The following ADIPOR2 variants were observed in gnomAD, a reference collection of about 807,000 sequenced individuals.
ADIPOR2 encodes adiponectin receptor 2.
A neutral mutation model predicts 40.9 loss-of-function variants in ADIPOR2; 18 were observed. That is an observed-to-expected ratio of 0.44 (90% CI 0.30 to 0.65). The LOEUF is 0.65. Ranked by LOEUF, ADIPOR2 falls within the 30% of genes least tolerant of loss-of-function variation. The probability of loss-of-function intolerance (pLI) is 0.09; values close to 1 mark genes in which losing one functional copy is unlikely to be tolerated. For missense variants in ADIPOR2, 283 were observed against 479.2 expected (o/e 0.59, Z 3.82); for synonymous variants, 165 against 166.4 (o/e 0.99, Z 0.06).
chr12:1,693,771 T>C (rs1039940495), intron 1 of ADIPOR2, among the ~76,000 whole-genome samples: 2 of 152,142 alleles, frequency 1.3e-5, no homozygotes, highest in African/African-American at 4.8e-5. Context: ...ACTCCTCATG[T>C]GATCCACCTG....
chr12:1,727,041 A>C (rs536857977), intron 1 of ADIPOR2, among the ~76,000 whole-genome samples: 2 of 152,320 alleles, frequency 1.3e-5, no homozygotes, highest in Non-Finnish European at 2.9e-5. Flanking sequence ...TAATTTCTGA[A>C]CAGAACTGAC....
At chr12:1,758,678 T>C (rs1862201889) in intron 2 of ADIPOR2, among the ~76,000 whole-genome samples, 1 of 152,194 alleles carries the variant, frequency 6.6e-6, no homozygotes, top group African/African-American at 2.4e-5. Flanking sequence ...AGGCAAAATA[T>C]TGATATCTTC....
At position 1,786,100 on chromosome 12, in the gene ADIPOR2, C is replaced by T; in HGVS notation, c.*28C>T. ...CCTACCAGTCTCCAGGGACTATGAC[C>T]CTAAACCAGGGCCTGCGGCACTTGC... On this transcript the variant is annotated 3_prime_UTR_variant, in exon 8 of 8. Transcript: ENST00000357103. 6.2e-7 allele frequency: 1 copy of T among 1,606,038 alleles called. No individual in the cohort carries two copies. The highest frequency in any genetic ancestry group is 1.1e-5 in the South Asian group (1 of 89,980).
At chr12:1,705,994 A>G (rs771526604) in intron 1 of ADIPOR2, among the ~76,000 whole-genome samples, 3 of 152,174 alleles carry the variant, frequency 2.0e-5, no homozygotes, top group Admixed American at 6.5e-5. Context: ...ATTGTTGGAG[A>G]TGATAGGTGA....
rs149813936 is a variant in ADIPOR2, at chr12:1,733,032, C to G, written c.-86-21226C>G. On this transcript the variant is annotated intron_variant, in intron 1 of 7. Coordinates refer to ENST00000357103, the MANE Select transcript of ADIPOR2 (RefSeq NM_024551.3). Reference sequence around the variant, plus strand: ...TGCAGTAAAGTTTCACAATGGGAAACCTTGTTAGATTTACAGTGGAGGTTT... The same window carrying G: ...TGCAGTAAAGTTTCACAATGGGAAAGCTTGTTAGATTTACAGTGGAGGTTT... Among the ~76,000 whole-genome samples the G allele has an allele frequency of 4.6e-5, 7 of 152,210 alleles. No homozygotes were observed. The East Asian group carries it at 1.3e-3, about 29-fold the overall frequency.
Position 1,786,204 on chromosome 12 carries a change from C to T in ADIPOR2, c.*132C>T. 1 of 1,236,528 alleles carries T rather than the reference C, an allele frequency of 8.1e-7. No homozygotes were observed. Among genetic ancestry groups the T allele is most frequent in the Non-Finnish European group, 1.1e-6 (1 of 890,536 alleles). 76.6% of individuals were successfully genotyped at this position (1,236,528 alleles called of 1,614,324 possible). A position where few individuals can be genotyped will look rare whatever the true frequency, so the allele number is the denominator to read the frequency against. On this transcript the variant is annotated 3_prime_UTR_variant, in exon 8 of 8. Coordinates refer to ENST00000357103, the MANE Select transcript of ADIPOR2 (RefSeq NM_024551.3). The stretch of plus-strand genomic sequence containing the variant: ...CAGCCTCGTGGGCTTTGTGACGGCC[C>T]AGTGGCTCTGCGTGGTACATGACTG...
rs564511448 is a variant in ADIPOR2 at position 1,713,125 on chromosome 12, G to A, written c.-87+21934G>A. On this transcript the variant is annotated intron_variant, in intron 1 of 7. Coordinates refer to ENST00000357103, the MANE Select transcript of ADIPOR2 (RefSeq NM_024551.3). Reference sequence around the variant, plus strand: ...GAACCTTTGGGGCAAGACTGTCCACGTAAGTTGGGACGTGTGATCTGTAGG... The same window carrying A: ...GAACCTTTGGGGCAAGACTGTCCACATAAGTTGGGACGTGTGATCTGTAGG... 7.9e-5 allele frequency among the ~76,000 whole-genome samples: 12 copies of A among 152,254 alleles called. No individual in the cohort carries two copies. In the East Asian group the frequency reaches 1.4e-3, roughly 17 times the overall value.
intron 1 of ADIPOR2, among the ~76,000 whole-genome samples, chr12:1,727,687 G>C (rs2094710700): frequency 6.6e-6 from 1 of 152,034 alleles, no homozygotes; most frequent in Non-Finnish European, 1.5e-5. Flanking sequence ...GAATGTTTCT[G>C]TCTCATTCTT....
rs773212306 is a variant in ADIPOR2 at position 1,781,103 on chromosome 12, C to T, written c.838+27C>T. 2.5e-5 allele frequency: 38 copies of T among 1,525,244 alleles called. No individual in the cohort carries two copies. The Admixed American group carries it at 6.9e-4, about 28-fold the overall frequency. The allele number at this position is 1,525,244 out of a possible 1,614,324, so 94.5% of individuals were successfully genotyped here. On this transcript the variant is annotated intron_variant, in intron 6 of 7. Coordinates refer to ENST00000357103, the MANE Select transcript of ADIPOR2 (RefSeq NM_024551.3). ...TAAGAGCACGGGGAGGTTCTACATT[C>T]GACATTCATTTATTCACTAGTTAAA...
At chr12:1,702,950 G>A (rs996005924) in intron 1 of ADIPOR2, 3 of 152,202 alleles carry the variant, frequency 2.0e-5, no homozygotes, top group South Asian at 2.1e-4. Flanking sequence ...AAGTTTTCCC[G>A]TGGCTCCCAC....
At chr12:1,734,457 C>A (rs1279300298) in intron 1 of ADIPOR2, among the ~76,000 whole-genome samples, 2 of 151,696 alleles carry the variant, frequency 1.3e-5, no homozygotes, top group Non-Finnish European at 2.9e-5. Context: ...TTGATGGGGT[C>A]GTTTGTTTTT....
intron 1 of ADIPOR2, among the ~76,000 whole-genome samples, chr12:1,735,875 C>A (rs1487476403): frequency 2.0e-5 from 3 of 152,136 alleles, no homozygotes; most frequent in African/African-American, 7.2e-5. Context: ...GTTGTTGGTT[C>A]TGTTTGTATG....
intron 2 of ADIPOR2, among the ~76,000 whole-genome samples, chr12:1,761,294 T>A (rs1195708102): frequency 6.6e-6 from 1 of 152,220 alleles, no homozygotes; most frequent in African/African-American, 2.4e-5. Context: ...TTTCCACTTT[T>A]CGACTGTTGC....
rs1417759938 is a variant in ADIPOR2, at chr12:1,757,026, CTG to C, written c.171+2516_171+2517del. Among the ~76,000 whole-genome samples, 16 of 152,170 alleles carry C rather than the reference CTG, an allele frequency of 1.1e-4. 1 individual carries two copies. The highest frequency in any genetic ancestry group is 2.6e-4 in the Admixed American group (4 of 15,268). On this transcript the variant is annotated intron_variant, in intron 2 of 7. Coordinates refer to ENST00000357103, the MANE Select transcript of ADIPOR2 (RefSeq NM_024551.3). ...AGAAGATATATTGAGGAGTCAGTAA[CTG>C]TGTCACGATTAGATTTTTATTTACC...
At chr12:1,781,697 C>G (rs1862723670) in intron 6 of ADIPOR2, among the ~76,000 whole-genome samples, 1 of 152,138 alleles carries the variant, frequency 6.6e-6, no homozygotes, top group Non-Finnish European at 1.5e-5. Flanking sequence ...ATGTTCTTGT[C>G]TCCTACTCAG....
chr12:1,738,751 G>A (rs748686571), intron 1 of ADIPOR2, among the ~76,000 whole-genome samples: 5 of 152,144 alleles, frequency 3.3e-5, no homozygotes, highest in Admixed American at 6.5e-5. Context: ...GTATGCTTAA[G>A]AGACAGATTT....
intron 1 of ADIPOR2, among the ~76,000 whole-genome samples, chr12:1,747,934 G>A (rs1479393472): frequency 6.6e-6 from 1 of 151,944 alleles, no homozygotes; most frequent in Non-Finnish European, 1.5e-5. Flanking sequence ...AAAATACATT[G>A]AGTTTCCTGG....
intron 1 of ADIPOR2, among the ~76,000 whole-genome samples, chr12:1,722,699 A>G (rs142751688): frequency 2.6e-4 from 39 of 152,288 alleles, no homozygotes; most frequent in African/African-American, 9.1e-4. Flanking sequence ...TTACTTTTAT[A>G]CTTGCCTGGA....
chr12:1,724,358 T>C (rs1478241482), intron 1 of ADIPOR2, among the ~76,000 whole-genome samples: 1 of 152,110 alleles, frequency 6.6e-6, no homozygotes, highest in Non-Finnish European at 1.5e-5. Flanking sequence ...TTGAGAACAA[T>C]ACACTAAGTG....
Sources: allele counts gnomAD v4.1 joint callset (sites outside exome capture counted in the v4.1 genomes callset), GRCh38; gene constraint gnomAD v4.1.1; transcripts MANE v1.5; gene names NCBI Gene and HGNC (gene_info 2026-07-23, HGNC 2026-07-21).